The following SNX9 variants were observed in gnomAD, a reference collection of about 807,000 sequenced individuals.
SNX9 encodes the protein sorting nexin 9.
SNX9 carries 44 observed loss-of-function variants against 89.4 expected under a neutral mutation model. That is an observed-to-expected ratio of 0.49 (90% CI 0.39 to 0.63). The LOEUF (loss-of-function observed/expected upper bound fraction) is 0.63, where lower values mean the gene tolerates loss of function less well. SNX9 is among the 30% of genes least tolerant of loss of function. SNX9 has a pLI of 0.00. For missense variants in SNX9, 578 were observed against 736.1 expected (o/e 0.79, Z 2.49); for synonymous variants, 236 against 247.8 (o/e 0.95, Z 0.45).
At chr6:157,840,423 T>TTTCTTTCTTTC (rs1562590893) in intron 1 of SNX9, among the ~76,000 whole-genome samples, 1 of 139,740 alleles carries the variant, frequency 7.2e-6, no homozygotes, top group African/African-American at 2.7e-5. Flanking sequence ...TTCTTTCTTT[T>TTTCTTTCTTTC]CTTTCTTTTC....
intron 4 of SNX9, among the ~76,000 whole-genome samples, chr6:157,883,504 G>A (rs1583215849): frequency 6.6e-6 from 1 of 152,198 alleles, no homozygotes; most frequent in African/African-American, 2.4e-5. Context: ...GACGCTGAAC[G>A]GTTCATGGTA....
chr6:157,839,036 GA>G (rs1781641890), intron 1 of SNX9, among the ~76,000 whole-genome samples: 1 of 152,200 alleles, frequency 6.6e-6, no homozygotes, highest in Non-Finnish European at 1.5e-5. Context: ...TTATTCTAGA[GA>G]AGGGATTCCC....
chr6:157,917,127 A>G (rs1434333748), intron 9 of SNX9, among the ~76,000 whole-genome samples: 3 of 152,158 alleles, frequency 2.0e-5, no homozygotes, highest in African/African-American at 7.2e-5. Flanking sequence ...TGGGTCTTTA[A>G]GGGAGTCGAT....
chr6:157,931,319 T>C (rs1398135068), intron 12 of SNX9, among the ~76,000 whole-genome samples: 1 of 152,266 alleles, frequency 6.6e-6, no homozygotes, highest in East Asian at 1.9e-4. Context: ...CTGCAGCTTA[T>C]AGACCTTACC....
chr6:157,936,115 T>A (rs1411374564), intron 14 of SNX9, 75 bp downstream of exon 14: 2 of 1,166,236 alleles, frequency 1.7e-6, no homozygotes, highest in African/African-American at 3.2e-5. Flanking sequence ...AAACCTGTCT[T>A]AGGACAAACG....
intron 16 of SNX9, among the ~76,000 whole-genome samples, chr6:157,940,121 TC>T (rs1784006994): frequency 6.6e-6 from 1 of 152,186 alleles, no homozygotes; most frequent in South Asian, 2.1e-4. Context: ...AAGAAGGGTC[TC>T]CCGCTGTCCC....
intron 1 of SNX9, among the ~76,000 whole-genome samples, chr6:157,835,411 TC>T (rs1256153367): frequency 6.7e-6 from 1 of 149,480 alleles, no homozygotes; most frequent in African/African-American, 2.5e-5. Flanking sequence ...CCATTCCCCT[TC>T]TTTTTTTTTT....
At chr6:157,831,830 G>T (rs990686205) in intron 1 of SNX9, among the ~76,000 whole-genome samples, 1 of 152,218 alleles carries the variant, frequency 6.6e-6, no homozygotes, top group African/African-American at 2.4e-5. Context: ...GTATTAGCTT[G>T]CTCTAGTTGC....
intron 4 of SNX9, among the ~76,000 whole-genome samples, chr6:157,893,226 G>A (rs541705225): frequency 1.5e-3 from 235 of 152,266 alleles, no homozygotes; most frequent in African/African-American, 5.4e-3. Context: ...CATTTCCAGC[G>A]TCCACTGGGG....
At chr6:157,846,443 A>G (rs1781809370) in intron 1 of SNX9, among the ~76,000 whole-genome samples, 1 of 152,276 alleles carries the variant, frequency 6.6e-6, no homozygotes, top group Admixed American at 6.5e-5. Flanking sequence ...GCCTCAGGCC[A>G]AGTATGGCTT....
At chr6:157,866,695 T>C (rs1254074160) in intron 1 of SNX9, among the ~76,000 whole-genome samples, 3 of 152,214 alleles carry the variant, frequency 2.0e-5, no homozygotes, top group Admixed American at 6.5e-5. Context: ...AGTACCCAAA[T>C]CTTAAATTTC....
chr6:157,942,664 C>A, intron 17 of SNX9, 127 bp from the exon 18 acceptor site: 1 of 995,420 alleles, frequency 1.0e-6, no homozygotes, highest in South Asian at 1.5e-5. Flanking sequence ...AGGGCTGGTG[C>A]CAAAAAGACC....
chr6:157,832,973 T>C (rs193119592), intron 1 of SNX9, among the ~76,000 whole-genome samples: 1 of 152,338 alleles, frequency 6.6e-6, no homozygotes, highest in East Asian at 1.9e-4. Context: ...CTTTGCCTTG[T>C]CAGATCCCAG....
chr6:157,913,648 C>T (rs1053748734), intron 9 of SNX9, among the ~76,000 whole-genome samples: 4 of 152,224 alleles, frequency 2.6e-5, no homozygotes, highest in African/African-American at 9.6e-5. Context: ...CAGGTTCCCT[C>T]GTGCTGCCCA....
intron 5 of SNX9, 35 bp from the exon 6 acceptor site, chr6:157,901,863 T>C (rs958391568): frequency 6.4e-6 from 10 of 1,566,908 alleles, no homozygotes; most frequent in Non-Finnish European, 8.6e-6. Flanking sequence ...TCTTTTTTTT[T>C]TTTTTAACTG....
chr6:157,901,793 ATTGATT>A, intron 5 of SNX9, 99 bp from the exon 6 acceptor site: 1 of 1,373,580 alleles, frequency 7.3e-7, no homozygotes, highest in Non-Finnish European at 9.8e-7. Context: ...TCAAAAAAAA[ATTGATT>A]TGCCCAGTAG....
intron 11 of SNX9, among the ~76,000 whole-genome samples, chr6:157,927,685 T>C (rs923483162): frequency 6.6e-6 from 1 of 151,738 alleles, no homozygotes; most frequent in African/African-American, 2.4e-5. Context: ...TCTTACGGAC[T>C]TAAAAGAAAT....
Position 157,853,624 on chromosome 6 carries a change from G to A in SNX9, c.13-13923G>A, listed in dbSNP as rs1781953458. Among the ~76,000 whole-genome samples the A allele has an allele frequency of 2.0e-5, 3 of 152,260 alleles. No individual in the cohort carries two copies. The South Asian group carries it at 6.2e-4, about 32-fold the overall frequency. Reference sequence around the variant, plus strand: ...GACTAACTGGGTAGGGGAATGTCTGGTTCCCTTACTATCCGGTGAAGTAGC... The same window carrying A: ...GACTAACTGGGTAGGGGAATGTCTGATTCCCTTACTATCCGGTGAAGTAGC... On this transcript the variant is annotated intron_variant, in intron 1 of 17. Coordinates refer to ENST00000392185, the MANE Select transcript of SNX9 (RefSeq NM_016224.5).
intron 10 of SNX9, among the ~76,000 whole-genome samples, chr6:157,922,751 G>T (rs1290177014): frequency 6.6e-6 from 1 of 152,196 alleles, no homozygotes; most frequent in Non-Finnish European, 1.5e-5. Context: ...TTGTGAATTT[G>T]TGTATATCAC....
Sources: allele counts gnomAD v4.1 joint callset (sites outside exome capture counted in the v4.1 genomes callset), GRCh38; gene constraint gnomAD v4.1.1; transcripts MANE v1.5; gene names NCBI Gene and HGNC (gene_info 2026-07-23, HGNC 2026-07-21).